Variants in DARS1 observed in about 807,000 individuals in gnomAD.
DARS1 encodes aspartate--tRNA ligase, cytoplasmic.
Under a neutral mutation model 68.8 loss-of-function variants are expected in DARS1, and 51 were observed. The observed-to-expected ratio is 0.74, with a 90% CI of 0.59 to 0.94. The LOEUF is 0.94. Among genes scored for constraint, DARS1 ranks in the 40% least tolerant of loss-of-function variants. DARS1 has a pLI of 0.00. For missense variants in DARS1, 607 were observed against 597.3 expected (o/e 1.02, Z -0.17); for synonymous variants, 203 against 190.4 (o/e 1.07, Z -0.55).
At chr2:135,960,477 T>C (rs1682075874) in intron 4 of DARS1, among the ~76,000 whole-genome samples, 1 of 152,196 alleles carries the variant, frequency 6.6e-6, no homozygotes, top group East Asian at 1.9e-4. Flanking sequence ...CATAATTCCA[T>C]CTGTATTAAC....
chr2:135,971,721 G>A (rs997420001), intron 3 of DARS1, among the ~76,000 whole-genome samples: 3 of 151,864 alleles, frequency 2.0e-5, no homozygotes, highest in Non-Finnish European at 2.9e-5. Context: ...CTATCAGAAC[G>A]GATAAATTCA....
intron 2 of DARS1, among the ~76,000 whole-genome samples, chr2:135,982,109 G>A (rs1467477914): frequency 2.6e-5 from 4 of 152,172 alleles, no homozygotes; most frequent in Non-Finnish European, 5.9e-5. Context: ...GAATGTAAAC[G>A]TCTACAATTA....
At chr2:135,916,720 G>A (rs1407333255) in intron 10 of DARS1, among the ~76,000 whole-genome samples, 1 of 152,040 alleles carries the variant, frequency 6.6e-6, no homozygotes, top group Non-Finnish European at 1.5e-5. Context: ...AAATTAATGA[G>A]TATTTGTCTT....
At chr2:135,959,180 T>G (rs1036324714) in intron 4 of DARS1, among the ~76,000 whole-genome samples, 2 of 151,070 alleles carry the variant, frequency 1.3e-5, no homozygotes, top group Non-Finnish European at 3.0e-5. Flanking sequence ...TCACCTGAGG[T>G]TGGGAGTTCA....
intron 7 of DARS1, among the ~76,000 whole-genome samples, chr2:135,930,018 A>G (rs899436494): frequency 1.3e-5 from 2 of 152,196 alleles, no homozygotes; most frequent in Non-Finnish European, 2.9e-5. Context: ...AGGCAAGTAC[A>G]TGAGTTAAGG....
At chr2:135,965,921 C>A (rs1174350794) in intron 3 of DARS1, among the ~76,000 whole-genome samples, 3 of 152,192 alleles carry the variant, frequency 2.0e-5, no homozygotes, top group African/African-American at 7.2e-5. Flanking sequence ...ACTCAGACTA[C>A]TTCTCTATGA....
At chr2:135,932,428 G>C (rs905500094) in intron 7 of DARS1, among the ~76,000 whole-genome samples, 10 of 152,102 alleles carry the variant, frequency 6.6e-5, no homozygotes, top group African/African-American at 2.4e-4. Context: ...GATCTCAAAT[G>C]TGCATGTAAT....
Position 135,942,446 on chromosome 2 carries a change from T to C in DARS1, c.423+932A>G, listed in dbSNP as rs535234708. Among the ~76,000 whole-genome samples, 11 of 137,480 alleles carry C rather than the reference T, an allele frequency of 8.0e-5. No individual in the cohort carries two copies. In the East Asian group the frequency reaches 8.6e-4, roughly 11 times the overall value. 90.2% of individuals were successfully genotyped at this position (137,480 alleles called of 152,430 possible). ...GCATGTTCTCACTCATAGGTGGGAA[T>C]TGAACAATGAGATCACTTGGACACA... On this transcript the variant is annotated intron_variant, in intron 5 of 15. Coordinates refer to ENST00000264161, the MANE Select transcript of DARS1 (RefSeq NM_001349.4).
intron 12 of DARS1, among the ~76,000 whole-genome samples, chr2:135,914,231 G>T (rs2164332): frequency 6.6e-6 from 1 of 152,004 alleles, no homozygotes; most frequent in Non-Finnish European, 1.5e-5. Context: ...AGACACCTCA[G>T]AACAACTTCG....
At chr2:135,909,176 T>C (rs904712503) in intron 15 of DARS1, among the ~76,000 whole-genome samples, 2 of 152,128 alleles carry the variant, frequency 1.3e-5, no homozygotes, top group Non-Finnish European at 2.9e-5. Context: ...GAGCAATGCA[T>C]GCAGGGCTTC....
intron 3 of DARS1, among the ~76,000 whole-genome samples, chr2:135,978,752 G>C (rs1308229378): frequency 6.6e-6 from 1 of 152,170 alleles, no homozygotes. Flanking sequence ...GCCACATGTG[G>C]TCATTAAGCT....
At chr2:135,973,832 C>T (rs1412482714) in intron 3 of DARS1, among the ~76,000 whole-genome samples, 2 of 151,872 alleles carry the variant, frequency 1.3e-5, no homozygotes, top group African/African-American at 2.4e-5. Context: ...CACGGCTGCA[C>T]GCCAGCCTGG....
chr2:135,927,173 T>C (rs1475837531), intron 7 of DARS1, among the ~76,000 whole-genome samples: 1 of 152,186 alleles, frequency 6.6e-6, no homozygotes, highest in Non-Finnish European at 1.5e-5. Flanking sequence ...TGTAAGAATT[T>C]GACGGTTAAG....
At chr2:135,959,286 G>T (rs1682045509) in intron 4 of DARS1, among the ~76,000 whole-genome samples, 2 of 150,976 alleles carry the variant, frequency 1.3e-5, no homozygotes, top group Admixed American at 1.3e-4. Flanking sequence ...CCCAGCTACT[G>T]GGGAGGCTGA....
intron 3 of DARS1, among the ~76,000 whole-genome samples, chr2:135,968,232 C>G (rs1384219084): frequency 6.6e-6 from 1 of 152,074 alleles, no homozygotes; most frequent in Non-Finnish European, 1.5e-5. Context: ...TCACTGCACT[C>G]CAGCCTGGGC....
intron 3 of DARS1, among the ~76,000 whole-genome samples, chr2:135,976,122 A>G (rs943387446): frequency 2.0e-5 from 3 of 152,240 alleles, no homozygotes; most frequent in African/African-American, 7.2e-5. Context: ...GTAAATGATC[A>G]TGTAGAGCTA....
At chr2:135,963,516 C>T (rs763595300) in intron 3 of DARS1, among the ~76,000 whole-genome samples, 7 of 151,134 alleles carry the variant, frequency 4.6e-5, no homozygotes, top group Non-Finnish European at 8.8e-5. Context: ...GGATTACAGG[C>T]ACGTGCCACC....
chr2:135,920,390 T>G, intron 10 of DARS1, 63 bp downstream of exon 10: 4 of 1,500,378 alleles, frequency 2.7e-6, no homozygotes, highest in Non-Finnish European at 3.5e-6. Context: ...TTGAAGAATT[T>G]TTTTTTTAAA....
At chr2:135,907,496 C>G in intron 15 of DARS1, 89 bp from the exon 16 acceptor site, 1 of 821,176 alleles carries the variant, frequency 1.2e-6, no homozygotes, top group South Asian at 1.7e-5. Flanking sequence ...AATCGTTAAA[C>G]TAAATACTTT....
Sources: gnomAD v4.1 joint callset for allele counts (sites outside exome capture counted in the v4.1 genomes callset) on GRCh38, gnomAD v4.1.1 for gene constraint, MANE v1.5 for transcripts, NCBI Gene and HGNC (gene_info 2026-07-23, HGNC 2026-07-21) for gene names.